The following RB1CC1 variants were observed in gnomAD, a reference collection of about 807,000 sequenced individuals.
The protein encoded by RB1CC1 is RB1-inducible coiled-coil protein 1.
Under a neutral mutation model 177.5 loss-of-function variants are expected in RB1CC1, and 46 were observed. The ratio of observed to expected loss-of-function variants is 0.26; its 90% CI spans 0.20 to 0.33. The LOEUF is 0.33. Ranked by LOEUF, RB1CC1 falls within the 10% of genes least tolerant of loss-of-function variation. The pLI, the probability that RB1CC1 is intolerant of heterozygous loss-of-function variation, is 1.00. For missense variants in RB1CC1, 1,703 were observed against 1,816.3 expected, an observed-to-expected ratio of 0.94 and a Z score of 1.13; for synonymous variants, 666 against 613.6, an observed-to-expected ratio of 1.09 and a Z score of -1.26.
chr8:52,674,906 C>T (rs1032432751), intron 6 of RB1CC1, among the ~76,000 whole-genome samples: 11 of 151,994 alleles, frequency 7.2e-5, no homozygotes, highest in African/African-American at 1.9e-4. Flanking sequence ...AGAATATAAC[C>T]TTATGGCCTT....
At chr8:52,672,053 T>C (rs1448858557) in intron 7 of RB1CC1, among the ~76,000 whole-genome samples, 2 of 152,244 alleles carry the variant, frequency 1.3e-5, no homozygotes, top group Non-Finnish European at 2.9e-5. Context: ...CTATTCAATG[T>C]AGCATTAACT....
intron 7 of RB1CC1, among the ~76,000 whole-genome samples, chr8:52,672,533 G>A (rs1181075835): frequency 1.3e-5 from 2 of 152,092 alleles, no homozygotes; most frequent in Non-Finnish European, 1.5e-5. Flanking sequence ...GCTTGAGCCC[G>A]GCAATCTGAG....
At chr8:52,698,666 GTTGGTTTTTTTTTTTTTTTTTTTTTTTT>G (rs1855689526) in intron 1 of RB1CC1, among the ~76,000 whole-genome samples, 1 of 2,604 alleles carries the variant, frequency 3.8e-4, no homozygotes, top group Non-Finnish European at 1.2e-3. Context: ...ATATGTAATG[GTTGGTTTTTTTTTTTTTTTTTTTTTTTT>G]TTTTTTTTTT....
chr8:52,659,129 G>A (rs1295347724), intron 12 of RB1CC1, among the ~76,000 whole-genome samples, 153 bp from the exon 13 acceptor site: 1 of 152,020 alleles, frequency 6.6e-6, no homozygotes, highest in Admixed American at 6.6e-5. Context: ...ATTCAATAAA[G>A]ATATGGCATA....
At chr8:52,707,440 T>TC (rs1453173991) in intron 1 of RB1CC1, among the ~76,000 whole-genome samples, 23 of 150,398 alleles carry the variant, frequency 1.5e-4, no homozygotes, top group African/African-American at 4.8e-4. Flanking sequence ...TTCTTTTTTT[T>TC]TTTTTTTTTT....
chr8:52,707,848 T>C (rs1464905809), intron 1 of RB1CC1, among the ~76,000 whole-genome samples: 1 of 152,164 alleles, frequency 6.6e-6, no homozygotes, highest in Non-Finnish European at 1.5e-5. Context: ...TAGATTAACA[T>C]AAAAATGGCA....
chr8:52,650,065 A>G (rs1194377290), intron 15 of RB1CC1, among the ~76,000 whole-genome samples: 1 of 152,188 alleles, frequency 6.6e-6, no homozygotes, highest in Non-Finnish European at 1.5e-5. Flanking sequence ...CTACAGACAT[A>G]GCTAATATAC....
intron 6 of RB1CC1, among the ~76,000 whole-genome samples, chr8:52,675,877 C>G (rs1245686521): frequency 6.8e-6 from 1 of 147,164 alleles, no homozygotes; most frequent in Non-Finnish European, 1.5e-5. Flanking sequence ...ACAGAGCGAG[C>G]CTCCGTCTCA....
At chr8:52,639,064 T>C (rs1316600532) in intron 18 of RB1CC1, among the ~76,000 whole-genome samples, 2 of 152,164 alleles carry the variant, frequency 1.3e-5, no homozygotes, top group Non-Finnish European at 2.9e-5. Flanking sequence ...TACACATTTT[T>C]CAATATGAAT....
At chr8:52,628,845 T>C (rs1412619239) in intron 21 of RB1CC1, among the ~76,000 whole-genome samples, 1 of 152,206 alleles carries the variant, frequency 6.6e-6, no homozygotes, top group African/African-American at 2.4e-5. Context: ...TCATTTAAAT[T>C]GGTAGATCCT....
chr8:52,677,515 A>G (rs2150570105), intron 5 of RB1CC1, among the ~76,000 whole-genome samples: 1 of 152,298 alleles, frequency 6.6e-6, no homozygotes, highest in East Asian at 1.9e-4. Context: ...CTCCTCAAGA[A>G]CTCTTTAACA....
At chr8:52,626,882 T>C (rs940984782) in intron 22 of RB1CC1, among the ~76,000 whole-genome samples, 5 of 152,066 alleles carry the variant, frequency 3.3e-5, no homozygotes, top group African/African-American at 1.2e-4. Flanking sequence ...ACCCTGCCTC[T>C]ACAAAACAAA....
chr8:52,658,396 G>A lies in RB1CC1; in HGVS notation c.1794-272C>T, dbSNP rs576873062. Among the ~76,000 whole-genome samples, 10 of 151,992 alleles carry A rather than the reference G, an allele frequency of 6.6e-5. 1 individual carries two copies. The South Asian group carries it at 2.1e-3, about 32-fold the overall frequency. ...GTTCGAGACCAGCCTGGCCAACATGGTGAAACCACATCTCTACTAAAAATA... is the reference window on the plus strand; with the variant it reads ...GTTCGAGACCAGCCTGGCCAACATGATGAAACCACATCTCTACTAAAAATA... On this transcript the variant is annotated intron_variant, in intron 13 of 23. Coordinates refer to ENST00000025008, the MANE Select transcript of RB1CC1 (RefSeq NM_014781.5).
chr8:52,694,857 A>G (rs1855233036), intron 1 of RB1CC1, among the ~76,000 whole-genome samples: 1 of 152,226 alleles, frequency 6.6e-6, no homozygotes, highest in Admixed American at 6.5e-5. Context: ...TAGAAAACCA[A>G]AAAGAAGAAG....
At position 52,656,691 on chromosome 8, in the gene RB1CC1, T is replaced by C; in HGVS notation, c.3138A>G (p.Leu1046=). The change falls in exon 15 of 24, where the codon TTA becomes TTG. Residue 1046 remains leucine (L), a synonymous_variant. Coordinates refer to ENST00000025008, the MANE Select transcript of RB1CC1 (RefSeq NM_014781.5). ...CTGACAAATCAGAAACCTTGAGTTT[T>C]AATTCCTGTAACTGTTTTTCTTTTT... ...IQEKEKQLQE[L]KLKVSDLSDT... 6.2e-7 allele frequency: 1 copy of C among 1,613,920 alleles called. No homozygotes were observed. Among genetic ancestry groups the C allele is most frequent in the Non-Finnish European group, 8.5e-7 (1 of 1,179,920 alleles).
intron 1 of RB1CC1, among the ~76,000 whole-genome samples, chr8:52,702,480 G>A (rs995568720): frequency 1.3e-5 from 2 of 152,134 alleles, no homozygotes. Flanking sequence ...ACTTTGGGAG[G>A]CCGAGGCAGG....
rs1052213353 is a variant in RB1CC1 at position 52,686,836 on chromosome 8, T to C, written c.-52+17A>G. 4.5e-5 allele frequency: 20 copies of C among 445,594 alleles called. No individual in the cohort carries two copies. The East Asian group carries it at 1.3e-3, about 28-fold the overall frequency. The allele number at this position is 445,594 out of a possible 1,614,324, so 27.6% of individuals were successfully genotyped here. ...AATAGATTAAACTCTGCTATACAGGTAGAAACTGTGACTTACCGTCAGGCA... is the reference window on the plus strand; with the variant it reads ...AATAGATTAAACTCTGCTATACAGGCAGAAACTGTGACTTACCGTCAGGCA... On this transcript the variant is annotated intron_variant, in intron 2 of 23. Transcript: ENST00000025008.
At chr8:52,667,420 C>T (rs916384036) in intron 8 of RB1CC1, among the ~76,000 whole-genome samples, 5 of 152,156 alleles carry the variant, frequency 3.3e-5, no homozygotes, top group African/African-American at 1.2e-4. Flanking sequence ...CTGATTATGA[C>T]ATTCAACTAT....
intron 18 of RB1CC1, among the ~76,000 whole-genome samples, chr8:52,639,192 CA>C (rs1849383813): frequency 6.6e-6 from 1 of 152,080 alleles, no homozygotes; most frequent in Non-Finnish European, 1.5e-5. Flanking sequence ...ACTCCATTTC[CA>C]TCTATCTTTC....
Sources: allele counts gnomAD v4.1 joint callset (sites outside exome capture counted in the v4.1 genomes callset), GRCh38; gene constraint gnomAD v4.1.1; transcripts MANE v1.5; gene names NCBI Gene and HGNC (gene_info 2026-07-23, HGNC 2026-07-21).